Variants in BIRC7 observed in about 807,000 individuals in gnomAD.
BIRC7 encodes baculoviral IAP repeat containing 7, also known as baculoviral IAP repeat-containing protein 7.
A neutral mutation model predicts 33.2 loss-of-function variants in BIRC7; 26 were observed. The ratio of observed to expected loss-of-function variants is 0.78; its 90% CI spans 0.57 to 1.09. The LOEUF (loss-of-function observed/expected upper bound fraction) is 1.09. BIRC7 is among the 50% of genes least tolerant of loss of function. BIRC7 has a pLI of 0.00. For missense variants in BIRC7, 409 were observed against 401.2 expected (o/e 1.02, Z -0.17); for synonymous variants, 176 against 171.0 (o/e 1.03, Z -0.23).
At position 63,236,180 on chromosome 20, in the gene BIRC7, G is replaced by A; in HGVS notation, c.84G>A (p.Glu28=). ...CAGCCGGTGATGGTCCCACGCAGGAGCGCTGTGGACCCCGCTCTCTGGGCA... is the reference window on the plus strand; with the variant it reads ...CAGCCGGTGATGGTCCCACGCAGGAACGCTGTGGACCCCGCTCTCTGGGCA... ...HWAAGDGPTQ[E]RCGPRSLGSP... The change falls in exon 1 of 7, where the codon GAG becomes GAA. Residue 28 remains glutamate, a synonymous_variant. Transcript: ENST00000217169. 3 of 1,590,730 alleles carry A rather than the reference G, an allele frequency of 1.9e-6. No individual in the cohort carries two copies. Among genetic ancestry groups the A allele is most frequent in the Non-Finnish European group, 2.6e-6 (3 of 1,168,200 alleles).
At chr20:63,238,255 C>G (rs6010878) in intron 2 of BIRC7, 141 bp from the exon 3 acceptor site, 1 of 1,072,910 alleles carries the variant, frequency 9.3e-7, no homozygotes, top group East Asian at 2.6e-5. Context: ...GGCGTCTCCA[C>G]AGCAGCCCTC....
rs6090323 is a variant in BIRC7 at position 63,237,910 on chromosome 20, G to A, written c.357G>A (p.Gln119=). 2 of 1,604,064 alleles carry A rather than the reference G, an allele frequency of 1.2e-6. No individual in the cohort carries two copies. Residue 119 remains glutamine (Q), a synonymous_variant, in exon 2 of 7, where the codon CAG becomes CAA. Transcript: ENST00000217169. ...CATCTCTCCGCACCCCAGGCCATCAGGACAAGGTGAGGTGCTTCTTCTGCT... is the reference window on the plus strand; with the variant it reads ...CATCTCTCCGCACCCCAGGCCATCAAGACAAGGTGAGGTGCTTCTTCTGCT... ...AAAGFFHTGH[Q]DKVRCFFCYG...
In BIRC7 at chr20:63,238,560, T is replaced by C; in HGVS notation, c.532-9T>C. 6.2e-7 allele frequency: 1 copy of C among 1,613,126 alleles called. No homozygotes were observed. The highest frequency in any genetic ancestry group is 8.5e-7 in the Non-Finnish European group (1 of 1,179,968). On this transcript the variant is annotated splice_polypyrimidine_tract_variant and intron_variant, in intron 3 of 6. Coordinates refer to ENST00000217169, the MANE Select transcript of BIRC7 (RefSeq NM_139317.3). ...TCCCCAAGGCCTGATGGTCTCTGGC[T>C]CCTTCCAGGACCCGTGGGAAGAACC...
At position 63,236,304 on chromosome 20, in the gene BIRC7, G is replaced by T; in HGVS notation, c.208G>T (p.Gly70Cys). The T allele has an allele frequency of 6.2e-7, 1 of 1,610,678 alleles. No individual in the cohort carries two copies. The highest frequency in any genetic ancestry group is 8.5e-7 in the Non-Finnish European group (1 of 1,178,754). Reference sequence around the variant, plus strand: ...CCTGACAGAGGAGGAAGAGGAGGAGGGCGCCGGGGCCACCTTGTCCAGGGG... The same window carrying T: ...CCTGACAGAGGAGGAAGAGGAGGAGTGCGCCGGGGCCACCTTGTCCAGGGG... ...RPLTEEEEEE[G>C]AGATLSRGPA... Residue 70 changes from glycine to cysteine, a missense_variant, in exon 1 of 7, where the codon GGC becomes TGC. Transcript: ENST00000217169.
Position 63,236,285 on chromosome 20 carries a change from AGAG to A in BIRC7, c.195_197del (p.Glu69del). The A allele has an allele frequency of 1.2e-6, 2 of 1,611,064 alleles. No homozygotes were observed. Among genetic ancestry groups the A allele is most frequent in the South Asian group, 2.2e-5 (2 of 90,826 alleles). On this transcript the variant is annotated inframe_deletion, in exon 1 of 7. Coordinates refer to ENST00000217169, the MANE Select transcript of BIRC7 (RefSeq NM_139317.3). ...TCCTGGGCCAGCTGCGGCCCCTGACAGAGGAGGAAGAGGAGGAGGGCGCCGGGG... is the reference window on the plus strand; with the variant it reads ...TCCTGGGCCAGCTGCGGCCCCTGACAGAGGAAGAGGAGGAGGGCGCCGGGG...
At position 63,236,262 on chromosome 20, in the gene BIRC7, C is replaced by T. The variant is rs1047375772; in HGVS notation, c.166C>T (p.Leu56=). The T allele has an allele frequency of 1.2e-6, 2 of 1,607,712 alleles. No individual in the cohort carries two copies. Among genetic ancestry groups the T allele is most frequent in the South Asian group, 1.1e-5 (1 of 90,320 alleles). ...RAWDHVDGQI[L]GQLRPLTEEE... is the part of the protein sequence containing the mutation. ...CTGGGACCACGTGGATGGGCAGATC[C>T]TGGGCCAGCTGCGGCCCCTGACAGA... The change falls in exon 1 of 7, where the codon CTG becomes TTG. Residue 56 remains leucine (L), a synonymous_variant. Transcript: ENST00000217169.
intron 4 of BIRC7, 110 bp downstream of exon 4, chr20:63,238,724 G>T (rs528370373): frequency 7.1e-7 from 1 of 1,398,960 alleles, no homozygotes; most frequent in Non-Finnish European, 9.9e-7. Context: ...TGACGGGCAC[G>T]TGACAGGGTG....
intron 3 of BIRC7, 35 bp downstream of exon 3, chr20:63,238,512 A>C: frequency 6.2e-7 from 1 of 1,613,030 alleles, no homozygotes; most frequent in Non-Finnish European, 8.5e-7. Flanking sequence ...TCCGGGTGGC[A>C]GTGGGGTCCT....
rs199810069 is a variant in BIRC7 at position 63,236,347 on chromosome 20, T to C, written c.251T>C (p.Met84Thr). The change falls in exon 1 of 7, where the codon ATG becomes ACG. Residue 84 changes from methionine (M) to threonine (T), a missense_variant. Met to Thr is a moderately conservative substitution (Grantham distance 81). Transcript: ENST00000217169. ...TLSRGPAFPG[M>T]GSEELRLASF... Reference sequence around the variant, plus strand: ...TCCAGGGGGCCTGCCTTCCCCGGCATGGGCTCTGAGGAGTTGCGTCTGGCC... The same window carrying C: ...TCCAGGGGGCCTGCCTTCCCCGGCACGGGCTCTGAGGAGTTGCGTCTGGCC... The C allele has an allele frequency of 4.1e-5, 65 of 1,603,534 alleles. No individual in the cohort carries two copies. The East Asian group carries it at 1.3e-3, about 32-fold the overall frequency.
intron 2 of BIRC7, 160 bp from the exon 3 acceptor site, chr20:63,238,236 C>G: frequency 1.1e-6 from 1 of 931,836 alleles, no homozygotes; most frequent in Non-Finnish European, 1.7e-6. Flanking sequence ...TACCCTGAAG[C>G]CCCATGGAGG....
At position 63,238,111 on chromosome 20, in the gene BIRC7, G is replaced by T. The variant is rs779489671; in HGVS notation, c.449+109G>T. 2.3e-3 allele frequency: 2,522 copies of T among 1,113,784 alleles called. 9 individuals are homozygous for T. Among genetic ancestry groups the T allele is most frequent in the Non-Finnish European group, 2.9e-3 (2,295 of 793,246 alleles). The allele number at this position is 1,113,784 out of a possible 1,614,324, so 69.0% of individuals were successfully genotyped here. The stretch of plus-strand genomic sequence containing the variant: ...CTGCTTTGCCTCCCTGGCCCCACAG[G>T]GCACTGGGGAGGCCCTTCTGTGGGA... On this transcript the variant is annotated intron_variant, in intron 2 of 6. Transcript: ENST00000217169.
In BIRC7 at chr20:63,236,459, G is replaced by T. The variant is rs150688713; in HGVS notation, c.349+14G>T. On this transcript the variant is annotated intron_variant, in intron 1 of 6. Transcript: ENST00000217169. ...TCTTCCACACAGGTCAGTCCCGGGC[G>T]GGGGGGCCTTCCTGCCGTGGGCCTG... 9.4e-5 allele frequency: 141 copies of T among 1,507,412 alleles called. 1 individual carries two copies. The highest frequency in any genetic ancestry group is 1.2e-4 in the Non-Finnish European group (135 of 1,131,116). The allele number at this position is 1,507,412 out of a possible 1,614,324, so 93.4% of individuals were successfully genotyped here. A position where few individuals can be genotyped will look rare whatever the true frequency, so the allele number is the denominator to read the frequency against.
intron 1 of BIRC7, 97 bp downstream of exon 1, chr20:63,236,542 C>T (rs1224437856): frequency 4.2e-6 from 6 of 1,429,576 alleles, no homozygotes; most frequent in Non-Finnish European, 5.5e-6. Flanking sequence ...CATCCATCCC[C>T]CAACAGGAAG....
Position 63,236,371 on chromosome 20 carries a change from C to T in BIRC7, c.275C>T (p.Ala92Val), listed in dbSNP as rs1463891656. The change falls in exon 1 of 7, where the codon GCC becomes GTC. Residue 92 changes from alanine (A) to valine (V), a missense_variant. By Grantham distance (64) the Ala-to-Val change is moderately conservative (BLOSUM62 0). Coordinates refer to ENST00000217169, the MANE Select transcript of BIRC7 (RefSeq NM_139317.3). ...PGMGSEELRL[A>V]SFYDWPLTAE... ...ATGGGCTCTGAGGAGTTGCGTCTGG[C>T]CTCCTTCTATGACTGGCCGCTGACT... 3 of 1,587,538 alleles carry T rather than the reference C, an allele frequency of 1.9e-6. No individual in the cohort carries two copies. The highest frequency in any genetic ancestry group is 3.4e-5 in the Admixed American group (2 of 58,634).
intron 2 of BIRC7, 79 bp from the exon 3 acceptor site, chr20:63,238,317 C>T (rs770504777): frequency 1.5e-5 from 24 of 1,551,250 alleles, no homozygotes; most frequent in Admixed American, 8.6e-5. Context: ...GGGCCCAACC[C>T]TGACCCCCGG....
Position 63,239,378 on chromosome 20 carries a change from G to A in BIRC7, c.670G>A (p.Ala224Thr), listed in dbSNP as rs762895747. ...CCTAGGAGGGGTCAGTCCAGCCGAGGCCCAGAGGGCGTGGTGGGTTCTTGA... is the reference window on the plus strand; with the variant it reads ...CCTAGGAGGGGTCAGTCCAGCCGAGACCCAGAGGGCGTGGTGGGTTCTTGA... ...QEPGGVSPAE[A>T]QRAWWVLEPP... Residue 224 changes from alanine to threonine, a missense_variant, in exon 6 of 7, where the codon GCC (alanine) becomes ACC (threonine). Coordinates refer to ENST00000217169, the MANE Select transcript of BIRC7 (RefSeq NM_139317.3). 4.4e-6 allele frequency: 7 copies of A among 1,603,752 alleles called. No homozygotes were observed. In the South Asian group the frequency reaches 6.6e-5, roughly 15 times the overall value.
intron 1 of BIRC7, 21 bp downstream of exon 1, chr20:63,236,466 C>G: frequency 1.3e-6 from 2 of 1,507,000 alleles, no homozygotes; most frequent in Non-Finnish European, 1.8e-6. Context: ...GGCGGGGGGG[C>G]CTTCCTGCCG....
At position 63,239,156 on chromosome 20, in the gene BIRC7, CCA is replaced by C. The variant is rs748728178; in HGVS notation, c.578-3_578-2del. On this transcript the variant is annotated splice_polypyrimidine_tract_variant and splice_region_variant and intron_variant, in intron 4 of 6. Coordinates refer to ENST00000217169, the MANE Select transcript of BIRC7 (RefSeq NM_139317.3). ...TAGGCCTCAAGTCTATCCTAACTGT[CCA>C]CAGTCCCTGCCTCTGGGTACCCTGA... is the stretch of plus-strand genomic sequence containing the variant. 1.9e-6 allele frequency: 3 copies of C among 1,612,318 alleles called. No individual in the cohort carries two copies. The Admixed American group carries it at 5.0e-5, about 27-fold the overall frequency.
intron 4 of BIRC7, 192 bp downstream of exon 4, chr20:63,238,806 C>T (rs1443056836): frequency 2.6e-6 from 2 of 755,896 alleles, no homozygotes; most frequent in East Asian, 5.4e-5. Context: ...CAGGGGCCTC[C>T]CCCAGTGCCA....
Sources: gnomAD v4.1 joint callset for allele counts on GRCh38, gnomAD v4.1.1 for gene constraint, MANE v1.5 for transcripts, NCBI Gene and HGNC (gene_info 2026-07-23, HGNC 2026-07-21) for gene names.